Variants in ELFN1 observed in about 807,000 individuals in gnomAD.
ELFN1 encodes the protein extracellular leucine rich repeat and fibronectin type III domain containing 1.
In ELFN1, 6 loss-of-function variants were observed where a neutral mutation model predicts 7.6. The ratio of observed to expected loss-of-function variants is 0.79; its 90% CI spans 0.43 to 1.56. The LOEUF is 1.56. ELFN1 is among the 40% of genes most tolerant of loss of function. The pLI, the probability that ELFN1 is intolerant of heterozygous loss-of-function variation, is 0.01. For synonymous variants in ELFN1, 657 were observed against 588.1 expected (o/e 1.12, Z -1.70); for missense variants, 1,169 against 1,232.2 (o/e 0.95, Z 0.77).
chr7:1,729,699 C>CACCTGG (rs1465576177), intron 3 of ELFN1, among the ~76,000 whole-genome samples: 70 of 152,334 alleles, frequency 4.6e-4, no homozygotes, highest in African/African-American at 1.7e-3. Context: ...CTGCAGACTC[C>CACCTGG]AGGTGGGAGG....
Position 1,745,029 on chromosome 7 carries a change from G to C in ELFN1, c.433G>C (p.Glu145Gln). 1 of 1,551,108 alleles carries C rather than the reference G, an allele frequency of 6.4e-7. No individual in the cohort carries two copies. Among genetic ancestry groups the C allele is most frequent in the Non-Finnish European group, 8.7e-7 (1 of 1,146,992 alleles). The change falls in exon 4 of 4, where the codon GAG becomes CAG. Residue 145 changes from glutamate (E) to glutamine (Q), a missense_variant. Physicochemically the swap from Glu to Gln is conservative, Grantham distance 29. Transcript: ENST00000424383. ...EYLYLQANLIEVVMASSFWEC... is the reference protein window; with the variant it reads ...EYLYLQANLIQVVMASSFWEC... ...CCTGTACCTGCAGGCCAACCTCATC[G>C]AGGTGGTCATGGCCAGCAGCTTCTG...
Position 1,672,072 on chromosome 7 carries a change from G to C in ELFN1, c.-549+1718G>C, listed in dbSNP as rs111466593. 7.5e-3 allele frequency among the ~76,000 whole-genome samples: 1,148 copies of C among 152,320 alleles called. 13 individuals are homozygous for C. Among genetic ancestry groups the C allele is most frequent in the African/African-American group, 0.026 (1,083 of 41,570 alleles). ...AGCCCCCTCCTCCTCGGCCGCAGCAGGACTGCTGTGTGCGTATAATTCAGG... is the reference window on the plus strand; with the variant it reads ...AGCCCCCTCCTCCTCGGCCGCAGCACGACTGCTGTGTGCGTATAATTCAGG... On this transcript the variant is annotated intron_variant, in intron 1 of 3. Transcript: ENST00000424383.
In ELFN1 at chr7:1,746,821, G is replaced by A. The variant is rs773976889; in HGVS notation, c.2225G>A (p.Arg742Gln). The stretch of plus-strand genomic sequence containing the variant: ...GCGTCCATCCTGGAGCCACTCACCC[G>A]GCCGCGGCCCCGCGACCTCGCCTAC... ...RKASILEPLTRPRPRDLAYSQ... is the reference protein window; with the variant it reads ...RKASILEPLTQPRPRDLAYSQ... Residue 742 changes from arginine (R) to glutamine (Q), a missense_variant, in exon 4 of 4, where the codon CGG (arginine) becomes CAG (glutamine). Transcript: ENST00000424383. The A allele has an allele frequency of 1.3e-6, 2 of 1,534,068 alleles. No individual in the cohort carries two copies. The highest frequency in any genetic ancestry group is 1.8e-6 in the Non-Finnish European group (2 of 1,141,058).
chr7:1,719,447 CGTCTAA>C (rs1562375929), intron 3 of ELFN1, among the ~76,000 whole-genome samples: 1 of 152,224 alleles, frequency 6.6e-6, no homozygotes, highest in African/African-American at 2.4e-5. Context: ...TAGGCAGCCC[CGTCTAA>C]TTCCCGCTTC....
intron 3 of ELFN1, among the ~76,000 whole-genome samples, chr7:1,730,526 C>T (rs1037245837): frequency 6.6e-6 from 1 of 152,216 alleles, no homozygotes; most frequent in African/African-American, 2.4e-5. Context: ...TCAAAGTTGG[C>T]TTAATATTAG....
Position 1,739,205 on chromosome 7 carries a change from G to A in ELFN1, c.-293-5099G>A, listed in dbSNP as rs1177988431. ...GTGGTTAGCGAGGCTCCCTCTGGCTGTGGAGGGAGAATGGATTGTGGGTGC... is the reference window on the plus strand; with the variant it reads ...GTGGTTAGCGAGGCTCCCTCTGGCTATGGAGGGAGAATGGATTGTGGGTGC... On this transcript the variant is annotated intron_variant, in intron 3 of 3. Coordinates refer to ENST00000424383, the MANE Select transcript of ELFN1 (RefSeq NM_001128636.4). This position sits in a 1 kb window ranked among gnomAD's most constrained non-coding sequence, Gnocchi z 4.6. The A allele has an allele frequency of 2.0e-5, 3 of 152,340 alleles. No homozygotes were observed. Among genetic ancestry groups the A allele is most frequent in the Admixed American group, 6.5e-5 (1 of 15,292 alleles). 9.4% of individuals were successfully genotyped at this position (152,340 alleles called of 1,614,324 possible).
upstream of ELFN1, among the ~76,000 whole-genome samples, chr7:1,670,068 C>G (rs1017344359): frequency 6.6e-6 from 1 of 150,892 alleles, no homozygotes; most frequent in Non-Finnish European, 1.5e-5. The surrounding 1 kb of genome is among the most constrained non-coding windows in gnomAD (Gnocchi z 6.4). Flanking sequence ...AGGGGAGGGC[C>G]AGAGGCTCCG....
At chr7:1,743,735 G>A (rs972413590) in intron 3 of ELFN1, among the ~76,000 whole-genome samples, 5 of 152,222 alleles carry the variant, frequency 3.3e-5, no homozygotes, top group Non-Finnish European at 5.9e-5. Context: ...TGCGGTGAGT[G>A]CGCAGGGTAG....
chr7:1,729,061 C>T (rs1454992953), intron 3 of ELFN1, among the ~76,000 whole-genome samples: 3 of 152,340 alleles, frequency 2.0e-5, no homozygotes, highest in East Asian at 1.9e-4. Flanking sequence ...AAGCCCAGCT[C>T]CTCCTGCCCC....
At chr7:1,716,866 G>A (rs1396112731) in intron 3 of ELFN1, among the ~76,000 whole-genome samples, 1 of 152,220 alleles carries the variant, frequency 6.6e-6, no homozygotes, top group Non-Finnish European at 1.5e-5. Flanking sequence ...GGGAGAGGAA[G>A]GAGAGTAGGG....
At chr7:1,742,251 C>A (rs905562378) in intron 3 of ELFN1, 1 of 152,252 alleles carries the variant, frequency 6.6e-6, no homozygotes, top group Non-Finnish European at 1.5e-5. Flanking sequence ...AAGGTGATTA[C>A]GATTGTGGCT....
intron 2 of ELFN1, among the ~76,000 whole-genome samples, chr7:1,698,691 A>C (rs1276215576): frequency 6.6e-6 from 1 of 152,238 alleles, no homozygotes; most frequent in Non-Finnish European, 1.5e-5. Flanking sequence ...ACCATGCAAG[A>C]GAAGCTTGTC....
chr7:1,708,361 G>A (rs1779581211), intron 2 of ELFN1, among the ~76,000 whole-genome samples: 2 of 152,240 alleles, frequency 1.3e-5, no homozygotes, highest in African/African-American at 4.8e-5. Flanking sequence ...TTGATCCAGT[G>A]GGTGGACGAA....
intron 1 of ELFN1, among the ~76,000 whole-genome samples, chr7:1,687,369 CT>C (rs948139041): frequency 6.0e-5 from 9 of 150,832 alleles, no homozygotes; most frequent in African/African-American, 1.7e-4. Flanking sequence ...TTAAACAAAA[CT>C]TAAAAAAGGG....
chr7:1,679,739 G>A (rs889237509), intron 1 of ELFN1, among the ~76,000 whole-genome samples: 2 of 152,224 alleles, frequency 1.3e-5, no homozygotes, highest in African/African-American at 4.8e-5. Context: ...TGCTCAGAAT[G>A]AGGGTCCCTT....
intron 2 of ELFN1, among the ~76,000 whole-genome samples, chr7:1,690,643 A>G (rs1779142362): frequency 7.1e-6 from 1 of 140,356 alleles, no homozygotes; most frequent in South Asian, 2.7e-4. Flanking sequence ...GAATGGATGA[A>G]TGGGTGGGTG....
At position 1,744,385 on chromosome 7, in the gene ELFN1, A is replaced by T; in HGVS notation, c.-212A>T. On this transcript the variant is annotated 5_prime_UTR_variant, in exon 4 of 4. Coordinates refer to ENST00000424383, the MANE Select transcript of ELFN1 (RefSeq NM_001128636.4). Reference sequence around the variant, plus strand: ...GGCAGGAGGCCTCGGTCACCACAGGACTGGGGCGGAAGACGAGAGGCGGCC... The same window carrying T: ...GGCAGGAGGCCTCGGTCACCACAGGTCTGGGGCGGAAGACGAGAGGCGGCC... The T allele has an allele frequency of 1.8e-6, 1 of 557,036 alleles. No individual in the cohort carries two copies. Among genetic ancestry groups the T allele is most frequent in the Non-Finnish European group, 3.1e-6 (1 of 325,066 alleles). The allele number at this position is 557,036 out of a possible 1,614,324, so 34.5% of individuals were successfully genotyped here.
In ELFN1 at chr7:1,744,854, C is replaced by T; in HGVS notation, c.258C>T (p.Leu86=). ...CCTCGCTCAGCCGCTTTGGCAACCT[C>T]ACGTACCTCAACCTCACCAAGAACG... ...QYASLSRFGN[L]TYLNLTKNEI... Residue 86 remains leucine, a synonymous_variant, in exon 4 of 4, where the codon CTC becomes CTT. Transcript: ENST00000424383. 6.4e-7 allele frequency: 1 copy of T among 1,574,504 alleles called. No individual in the cohort carries two copies. The highest frequency in any genetic ancestry group is 8.6e-7 in the Non-Finnish European group (1 of 1,159,168).
chr7:1,714,634 A>C (rs1354056868), intron 3 of ELFN1, among the ~76,000 whole-genome samples: 1 of 152,192 alleles, frequency 6.6e-6, no homozygotes, highest in African/African-American at 2.4e-5. Flanking sequence ...AAGGCCTACT[A>C]TTGCTTTATT....
Sources: gnomAD v4.1 joint callset for allele counts (sites outside exome capture counted in the v4.1 genomes callset) on GRCh38, gnomAD v4.1.1 for gene constraint, Gnocchi (gnomAD v3.1) non-coding constraint, MANE v1.5 for transcripts, NCBI Gene and HGNC (gene_info 2026-07-23, HGNC 2026-07-21) for gene names.